The following MTIF2 variants were observed in gnomAD, a reference collection of about 807,000 sequenced individuals.
MTIF2 encodes the protein translation initiation factor IF-2, mitochondrial.
MTIF2 carries 71 observed loss-of-function variants against 83.5 expected under a neutral mutation model. That is an observed-to-expected ratio of 0.85 (90% CI 0.70 to 1.04). The LOEUF is 1.04. Among genes scored for constraint, MTIF2 ranks in the 50% least tolerant of loss-of-function variants. MTIF2 has a pLI of 0.00. For synonymous variants in MTIF2, 319 were observed against 287.1 expected (o/e 1.11, Z -1.12); for missense variants, 957 against 846.5 (o/e 1.13, Z -1.62).
intron 3 of MTIF2, among the ~76,000 whole-genome samples, chr2:55,266,724 C>T (rs1405161730): frequency 4.4e-5 from 6 of 136,984 alleles, no homozygotes; most frequent in African/African-American, 1.6e-4. Flanking sequence ...GACGGGTGAT[C>T]TTTGCTAGAT....
intron 9 of MTIF2, among the ~76,000 whole-genome samples, chr2:55,247,641 T>C (rs1676799068): frequency 6.6e-6 from 1 of 152,186 alleles, no homozygotes; most frequent in Non-Finnish European, 1.5e-5. Flanking sequence ...CCCACCCACT[T>C]ATTCCTAGTA....
intron 1 of MTIF2, 126 bp from the exon 2 acceptor site, chr2:55,268,865 G>C (rs1049582274): frequency 1.3e-5 from 2 of 152,168 alleles, no homozygotes; most frequent in Admixed American, 6.5e-5. Flanking sequence ...ATCTGGGGTG[G>C]CTCGCCTCAA....
intron 14 of MTIF2, 57 bp downstream of exon 14, chr2:55,239,954 G>A (rs1037572352): frequency 1.4e-6 from 2 of 1,457,926 alleles, no homozygotes; most frequent in East Asian, 4.7e-5. Context: ...GCTTTGAAGT[G>A]CTATTTATAG....
In MTIF2 at chr2:55,244,279, A is replaced by C. The variant is rs745575047; in HGVS notation, c.1107-46T>G. On this transcript the variant is annotated intron_variant, in intron 10 of 15. Transcript: ENST00000263629. Reference sequence around the variant, plus strand: ...TATTTTCAATGTCATAATGTACTTTAAGTAGAGCAAAGATATCTTTATGAA... The same window carrying C: ...TATTTTCAATGTCATAATGTACTTTCAGTAGAGCAAAGATATCTTTATGAA... The C allele has an allele frequency of 1.2e-4, 155 of 1,322,112 alleles. 1 individual carries two copies. The highest frequency in any genetic ancestry group is 6.1e-5 in the Non-Finnish European group (57 of 934,438). The allele number at this position is 1,322,112 out of a possible 1,614,324, so 81.9% of individuals were successfully genotyped here. A position where few individuals can be genotyped will look rare whatever the true frequency, so the allele number is the denominator to read the frequency against.
intron 9 of MTIF2, among the ~76,000 whole-genome samples, chr2:55,247,443 C>T (rs1254964421): frequency 6.6e-6 from 1 of 152,064 alleles, no homozygotes; most frequent in Non-Finnish European, 1.5e-5. Context: ...ATCCCAGCTA[C>T]TCAGGAGGCT....
At chr2:55,249,200 G>T (rs536109400) in intron 9 of MTIF2, among the ~76,000 whole-genome samples, 195 bp downstream of exon 9, 6 of 152,218 alleles carry the variant, frequency 3.9e-5, no homozygotes, top group Admixed American at 3.3e-4. Context: ...ACACTGATTA[G>T]CTGGTGACTG....
rs1294977769 is a variant in MTIF2 at position 55,246,357 on chromosome 2, A to G, written c.1086T>C (p.Ser362=). ...CCTACCCTCTTCCTTTGTCTGTGAAAGACTCTATTACTGTTCCTTCCACTG... is the reference window on the plus strand; with the variant it reads ...CCTACCCTCTTCCTTTGTCTGTGAAGGACTCTATTACTGTTCCTTCCACTG... ...NGPVEGTVIE[S]FTDKGRGLVT... is the part of the protein sequence containing the mutation. Residue 362 remains serine, a synonymous_variant, in exon 10 of 16, where the codon TCT becomes TCC. Transcript: ENST00000263629. 4 of 1,613,614 alleles carry G rather than the reference A, an allele frequency of 2.5e-6. No homozygotes were observed. Among genetic ancestry groups the G allele is most frequent in the Middle Eastern group, 1.7e-4 (1 of 6,058 alleles).
chr2:55,239,186 G>T (rs1446068458), intron 14 of MTIF2, among the ~76,000 whole-genome samples: 2 of 152,216 alleles, frequency 1.3e-5, no homozygotes, highest in Non-Finnish European at 2.9e-5. Flanking sequence ...TGTGAATATG[G>T]ACTGTGTATT....
chr2:55,265,568 G>T (rs944496517), intron 3 of MTIF2, among the ~76,000 whole-genome samples: 5 of 151,910 alleles, frequency 3.3e-5, no homozygotes, highest in African/African-American at 1.2e-4. Flanking sequence ...ACATTTCCAA[G>T]TAGTGGGTAT....
At chr2:55,258,007 A>T (rs1395049277) in intron 5 of MTIF2, among the ~76,000 whole-genome samples, 1 of 152,130 alleles carries the variant, frequency 6.6e-6, no homozygotes, top group Non-Finnish European at 1.5e-5. Context: ...GCCCAGGCTG[A>T]TCTCAAACTC....
chr2:55,242,361 T>G (rs1460297766), intron 13 of MTIF2, among the ~76,000 whole-genome samples: 1 of 152,176 alleles, frequency 6.6e-6, no homozygotes, highest in Admixed American at 6.5e-5. Context: ...ACTCAACAAA[T>G]GTTTTTGCTT....
At chr2:55,240,278 A>C in intron 13 of MTIF2, 103 bp from the exon 14 acceptor site, 1 of 1,141,066 alleles carries the variant, frequency 8.8e-7, no homozygotes, top group Non-Finnish European at 1.2e-6. Context: ...TTTATTTTCT[A>C]AATTAAAATA....
In MTIF2 at chr2:55,242,835, T is replaced by G. The variant is rs1453958816; in HGVS notation, c.1705+105A>C. The G allele has an allele frequency of 4.4e-6, 5 of 1,148,036 alleles. No homozygotes were observed. In the African/African-American group the frequency reaches 7.8e-5, roughly 18 times the overall value. The allele number at this position is 1,148,036 out of a possible 1,614,324, so 71.1% of individuals were successfully genotyped here. A position where few individuals can be genotyped will look rare whatever the true frequency, so the allele number is the denominator to read the frequency against. ...ACTATAGCAGGAAGGGTGATGCTGA[T>G]AGCAGTAAATGTCAGGTGTGACAAG... is the stretch of plus-strand genomic sequence containing the variant. On this transcript the variant is annotated intron_variant, in intron 13 of 15. Coordinates refer to ENST00000263629, the MANE Select transcript of MTIF2 (RefSeq NM_002453.3).
In MTIF2 at chr2:55,246,359, A is replaced by G. The variant is rs747138029; in HGVS notation, c.1084T>C (p.Ser362Pro). The part of the protein sequence containing the change: ...NGPVEGTVIE[S>P]FTDKGRGLVT... ...TACCCTCTTCCTTTGTCTGTGAAAGACTCTATTACTGTTCCTTCCACTGGA... is the reference window on the plus strand; with the variant it reads ...TACCCTCTTCCTTTGTCTGTGAAAGGCTCTATTACTGTTCCTTCCACTGGA... Residue 362 changes from serine to proline, a missense_variant, in exon 10 of 16, where the codon TCT (serine) becomes CCT (proline). Around this residue, in one of 3 missense-constraint regions of MTIF2, gnomAD observed 733 missense variants for 648.7 expected, o/e 1.13. Coordinates refer to ENST00000263629, the MANE Select transcript of MTIF2 (RefSeq NM_002453.3). The G allele has an allele frequency of 6.2e-7, 1 of 1,613,414 alleles. No individual in the cohort carries two copies. Among genetic ancestry groups the G allele is most frequent in the South Asian group, 1.1e-5 (1 of 90,982 alleles).
chr2:55,253,596 C>T (rs1677272073), intron 7 of MTIF2, among the ~76,000 whole-genome samples: 1 of 151,890 alleles, frequency 6.6e-6, no homozygotes, highest in South Asian at 2.1e-4. Flanking sequence ...GCAGGCGGAC[C>T]ACAAGGTCAG....
At position 55,254,643 on chromosome 2, in the gene MTIF2, T is replaced by G; in HGVS notation, c.503+11A>C. ...CCCCAAACCCTGCCAGTATATACAG[T>G]TAAGTTTTACCTTCTTACAGCATCT... On this transcript the variant is annotated intron_variant, in intron 6 of 15. Coordinates refer to ENST00000263629, the MANE Select transcript of MTIF2 (RefSeq NM_002453.3). The G allele has an allele frequency of 6.3e-7, 1 of 1,587,242 alleles. No individual in the cohort carries two copies. The highest frequency in any genetic ancestry group is 8.6e-7 in the Non-Finnish European group (1 of 1,167,272).
chr2:55,243,045 T>G lies in MTIF2; in HGVS notation c.1600A>C (p.Ile534Leu), dbSNP rs865891886. ...VDGSVEAILN[I>L]IDTYDASHEC... ...TGTGAAGCATCATAGGTATCTATAA[T>G]GTTCAAAATGGCCTCAACAGAACCA... is the stretch of plus-strand genomic sequence containing the variant. The change falls in exon 13 of 16, where the codon ATT (isoleucine) becomes CTT (leucine). Residue 534 changes from isoleucine (I) to leucine (L), a missense_variant. Transcript: ENST00000263629. The G allele has an allele frequency of 1.2e-6, 2 of 1,611,236 alleles. No individual in the cohort carries two copies. Among genetic ancestry groups the G allele is most frequent in the South Asian group, 2.2e-5 (2 of 90,420 alleles).
At position 55,263,690 on chromosome 2, in the gene MTIF2, C is replaced by T; in HGVS notation, c.169G>A (p.Val57Met). Residue 57 changes from valine to methionine, a missense_variant, in exon 4 of 16, where the codon GTG becomes ATG. This residue lies in a region of MTIF2 where 733 missense variants were observed against 648.7 expected (regional missense o/e 1.13). Coordinates refer to ENST00000263629, the MANE Select transcript of MTIF2 (RefSeq NM_002453.3). The stretch of plus-strand genomic sequence containing the variant: ...TGAGATAAAGCAGCCCCAGTGAGCA[C>T]ATCTGTTGGCCAGGGCCAGGCACAC... ...QLCAWPWPTD[V>M]LTGAALSQYR... The T allele has an allele frequency of 1.9e-6, 3 of 1,613,962 alleles. No homozygotes were observed. The highest frequency in any genetic ancestry group is 1.1e-5 in the South Asian group (1 of 91,084).
rs1573857296 is a variant in MTIF2 at position 55,242,091 on chromosome 2, G to A, written c.1705+849C>T. ...TGGGAGGCAGAGGTTGCAGTGAGCC[G>A]AGACCGTGCCACTGCACTCCAGCCT... On this transcript the variant is annotated intron_variant, in intron 13 of 15. Transcript: ENST00000263629. 3.3e-5 allele frequency among the ~76,000 whole-genome samples: 5 copies of A among 149,570 alleles called. No individual in the cohort carries two copies. The South Asian group carries it at 8.5e-4, about 25-fold the overall frequency.
Sources: allele counts gnomAD v4.1 joint callset (sites outside exome capture counted in the v4.1 genomes callset), GRCh38; gene constraint gnomAD v4.1.1; regional missense constraint gnomAD v4.1.1; transcripts MANE v1.5; gene names NCBI Gene and HGNC (gene_info 2026-07-23, HGNC 2026-07-21).